Variants in TYK2 observed in about 807,000 individuals in gnomAD.
TYK2 encodes the protein tyrosine kinase 2.
In TYK2, 65 loss-of-function variants were observed where a neutral mutation model predicts 130.9. That is an observed-to-expected ratio of 0.50 (90% CI 0.41 to 0.61). The LOEUF (loss-of-function observed/expected upper bound fraction) is 0.61. Ranked by LOEUF, TYK2 falls within the 20% of genes least tolerant of loss-of-function variation. The pLI, the probability that TYK2 is intolerant of heterozygous loss-of-function variation, is 0.00. For missense variants in TYK2, 1,378 were observed against 1,610.7 expected (o/e 0.86, Z 2.47); for synonymous variants, 647 against 658.9 (o/e 0.98, Z 0.28).
At position 10,355,175 on chromosome 19, in the gene TYK2, C is replaced by T. The variant is rs749195299; in HGVS notation, c.2618-566G>A. ...GGCGTGGTGGCTCACACCTGTAATCCCAGCACTTTGGGAGGCCGAGGCAGG... is the reference window on the plus strand; with the variant it reads ...GGCGTGGTGGCTCACACCTGTAATCTCAGCACTTTGGGAGGCCGAGGCAGG... On this transcript the variant is annotated intron_variant, in intron 18 of 24. Coordinates refer to ENST00000525621, the MANE Select transcript of TYK2 (RefSeq NM_003331.5). Among the ~76,000 whole-genome samples the T allele has an allele frequency of 7.0e-4, 106 of 150,844 alleles. 1 individual carries two copies. The highest frequency in any genetic ancestry group is 9.9e-4 in the Admixed American group (15 of 15,140).
chr19:10,356,343 C>T (rs529728298), intron 18 of TYK2, among the ~76,000 whole-genome samples: 9 of 152,274 alleles, frequency 5.9e-5, no homozygotes, highest in African/African-American at 2.2e-4. Flanking sequence ...CACGTCACTG[C>T]GCTCCAGGCT....
Position 10,361,389 on chromosome 19 carries a change from G to A in TYK2, c.2047+122C>T. 1.1e-6 allele frequency: 1 copy of A among 951,938 alleles called. No individual in the cohort carries two copies. Among genetic ancestry groups the A allele is most frequent in the East Asian group, 2.6e-5 (1 of 37,976 alleles). The allele number at this position is 951,938 out of a possible 1,614,324, so 59.0% of individuals were successfully genotyped here. A position where few individuals can be genotyped will look rare whatever the true frequency, so the allele number is the denominator to read the frequency against. On this transcript the variant is annotated intron_variant, in intron 14 of 24. Coordinates refer to ENST00000525621, the MANE Select transcript of TYK2 (RefSeq NM_003331.5). This position sits in a 1 kb window ranked among gnomAD's most constrained non-coding sequence, Gnocchi z 4.0. ...GGTGTAGCCCGGGATCAGAGTACAG[G>A]TGAGAGTTGAGAAATAGGCATAGGT...
At position 10,364,654 on chromosome 19, in the gene TYK2, G is replaced by C; in HGVS notation, c.1327C>G (p.Leu443Val). The stretch of plus-strand genomic sequence containing the variant: ...ATCCCATCCCGGATGCTCATCACCA[G>C]CCGTGGGGGAGCCACCTCGTGGCAC... The part of the protein sequence containing the change: ...YLCHEVAPPR[L>V]VMSIRDGIHG... Residue 443 changes from leucine to valine, a missense_variant, in exon 9 of 25, where the codon CTG (leucine) becomes GTG (valine). Coordinates refer to ENST00000525621, the MANE Select transcript of TYK2 (RefSeq NM_003331.5). This position sits in a 1 kb window ranked among gnomAD's most constrained non-coding sequence, Gnocchi z 4.9. 2 of 1,613,910 alleles carry C rather than the reference G, an allele frequency of 1.2e-6. No homozygotes were observed. Among genetic ancestry groups the C allele is most frequent in the Non-Finnish European group, 1.7e-6 (2 of 1,180,000 alleles).
chr19:10,368,229 G>A, intron 4 of TYK2, 27 bp from the exon 5 acceptor site: 4 of 1,614,180 alleles, frequency 2.5e-6, no homozygotes, highest in African/African-American at 1.3e-5. Context: ...CGCAGCTGGG[G>A]CTTAGCACAG....
rs748953531 is a variant in TYK2 at position 10,361,428 on chromosome 19, G to A, written c.2047+83C>T. 3.4e-5 allele frequency: 40 copies of A among 1,165,224 alleles called. No individual in the cohort carries two copies. The highest frequency in any genetic ancestry group is 4.1e-5 in the Non-Finnish European group (36 of 869,308). 72.2% of individuals were successfully genotyped at this position (1,165,224 alleles called of 1,614,324 possible). Reference sequence around the variant, plus strand: ...ATAGGCATAGGTTGGGGTGTAGGTCGAGGGTTGGGGTACAGATCAGGGAGT... The same window carrying A: ...ATAGGCATAGGTTGGGGTGTAGGTCAAGGGTTGGGGTACAGATCAGGGAGT... On this transcript the variant is annotated intron_variant, in intron 14 of 24. Coordinates refer to ENST00000525621, the MANE Select transcript of TYK2 (RefSeq NM_003331.5). This position sits in a 1 kb window ranked among gnomAD's most constrained non-coding sequence, Gnocchi z 4.0.
chr19:10,358,003 C>A lies in TYK2; in HGVS notation c.2311G>T (p.Glu771Ter). 6.2e-7 allele frequency: 1 copy of A among 1,613,498 alleles called. No individual in the cohort carries two copies. The highest frequency in any genetic ancestry group is 8.5e-7 in the Non-Finnish European group (1 of 1,180,012). The stretch of plus-strand genomic sequence containing the variant: ...TGCCCAGGTCCCCTCAGGTACTCAC[C>A]CTCCCTGGAGAGGGCGCCCAGGCCC... ...GVGLGALSRE[E>*]RVERIPWLAP... is the part of the protein sequence containing the mutation. Residue 771 changes from glutamate (E) to a stop codon, truncating the protein, a stop_gained and splice_region_variant, in exon 16 of 25, where the codon GAG becomes TAG. Coordinates refer to ENST00000525621, the MANE Select transcript of TYK2 (RefSeq NM_003331.5). LOFTEE classifies it high-confidence loss of function.
chr19:10,368,565 A>G, intron 3 of TYK2, 147 bp from the exon 4 acceptor site: 1 of 1,168,306 alleles, frequency 8.6e-7, no homozygotes, highest in African/African-American at 1.5e-5. Flanking sequence ...CCCTGGGCAG[A>G]GGACAGTGCG....
At chr19:10,373,431 A>G (rs1222237037) in intron 3 of TYK2, among the ~76,000 whole-genome samples, 1 of 151,198 alleles carries the variant, frequency 6.6e-6, no homozygotes, top group Admixed American at 6.6e-5. Context: ...TCCGCCTCCC[A>G]GGTTTAAGTG....
chr19:10,368,478 A>G, intron 3 of TYK2, 60 bp from the exon 4 acceptor site: 5 of 1,609,008 alleles, frequency 3.1e-6, no homozygotes, highest in Non-Finnish European at 4.2e-6. Flanking sequence ...AGCCCCAAAG[A>G]CCCCCCAGAC....
rs2041408308 is a variant in TYK2 at position 10,361,636 on chromosome 19, A to AC, written c.1960-39dup. The AC allele has an allele frequency of 6.5e-7, 1 of 1,546,528 alleles. No homozygotes were observed. Among genetic ancestry groups the AC allele is most frequent in the Non-Finnish European group, 8.7e-7 (1 of 1,146,908 alleles). ...GGCAGGTCAGGTGGCTGCAAAGCCG[A>AC]CCCCTCCCATCCCACCTCCTCCACG... On this transcript the variant is annotated intron_variant, in intron 13 of 24. Coordinates refer to ENST00000525621, the MANE Select transcript of TYK2 (RefSeq NM_003331.5). The surrounding 1 kb of genome is among the most constrained non-coding windows in gnomAD (Gnocchi z 4.0).
At position 10,365,375 on chromosome 19, in the gene TYK2, TG is replaced by T. The variant is rs560870159; in HGVS notation, c.1011+141del. ...AGATGGAGGACCTTCTCCAAGAAACTGGCCCTAGCGGACAGGTGCCCCAGAG... is the reference window on the plus strand; with the variant it reads ...AGATGGAGGACCTTCTCCAAGAAACTGCCCTAGCGGACAGGTGCCCCAGAG... On this transcript the variant is annotated intron_variant, in intron 7 of 24. Transcript: ENST00000525621. The T allele has an allele frequency of 8.7e-4, 1,128 of 1,299,486 alleles. 8 individuals are homozygous for T. The South Asian group carries it at 0.011, about 13-fold the overall frequency. The allele number at this position is 1,299,486 out of a possible 1,614,324, so 80.5% of individuals were successfully genotyped here.
chr19:10,362,671 CA>C lies in TYK2; in HGVS notation c.1368-15del, dbSNP rs1397615636. 3 of 1,550,546 alleles carry C rather than the reference CA, an allele frequency of 1.9e-6. No homozygotes were observed. Among genetic ancestry groups the C allele is most frequent in the Middle Eastern group, 1.8e-4 (1 of 5,646 alleles). On this transcript the variant is annotated splice_polypyrimidine_tract_variant and intron_variant, in intron 9 of 24. Coordinates refer to ENST00000525621, the MANE Select transcript of TYK2 (RefSeq NM_003331.5). ...ACAAATGGCTCCCTGGAAGGTGGTC[CA>C]GGGGGACTATCAGGCCACCTGGGGC...
chr19:10,362,157 C>G lies in TYK2; in HGVS notation c.1694G>C (p.Arg565Pro), dbSNP rs764267766. The G allele has an allele frequency of 1.2e-6, 2 of 1,613,932 alleles. No homozygotes were observed. The highest frequency in any genetic ancestry group is 1.1e-5 in the South Asian group (1 of 91,072). The stretch of plus-strand genomic sequence containing the variant: ...TGTCCTGGGGCTGGCCCGAGCCCCC[C>G]GCATGATGATGAGATTGGAGGTTTC... ...PGETSNLIIM[R>P]GARASPRTLN... Residue 565 changes from arginine (R) to proline (P), a missense_variant, in exon 12 of 25, where the codon CGG (arginine) becomes CCG (proline). Physicochemically the swap from Arg to Pro is moderately radical, Grantham distance 103. Transcript: ENST00000525621.
At position 10,362,145 on chromosome 19, in the gene TYK2, G is replaced by C; in HGVS notation, c.1706C>G (p.Ala569Gly). The C allele has an allele frequency of 2.5e-6, 4 of 1,614,006 alleles. No individual in the cohort carries two copies. Among genetic ancestry groups the C allele is most frequent in the Non-Finnish European group, 3.4e-6 (4 of 1,180,022 alleles). The change falls in exon 12 of 25, where the codon GCC (alanine) becomes GGC (glycine). Residue 569 changes from alanine (A) to glycine (G), a missense_variant. By Grantham distance (60) the Ala-to-Gly change is moderately conservative. Coordinates refer to ENST00000525621, the MANE Select transcript of TYK2 (RefSeq NM_003331.5). ...GCTGAGGTTGAGTGTCCTGGGGCTG[G>C]CCCGAGCCCCCCGCATGATGATGAG... ...SNLIIMRGAR[A>G]SPRTLNLSQL... is the part of the protein sequence containing the mutation.
Position 10,353,983 on chromosome 19 carries a change from C to T in TYK2, c.2908+59G>A. On this transcript the variant is annotated intron_variant, in intron 20 of 24. Coordinates refer to ENST00000525621, the MANE Select transcript of TYK2 (RefSeq NM_003331.5). This position sits in a 1 kb window ranked among gnomAD's most constrained non-coding sequence, Gnocchi z 6.9. ...GCCAGACTGGCCCCGCCCACAAGGCCACACCCACGCTCTAACCACGCCCCC... is the reference window on the plus strand; with the variant it reads ...GCCAGACTGGCCCCGCCCACAAGGCTACACCCACGCTCTAACCACGCCCCC... The T allele has an allele frequency of 6.4e-7, 1 of 1,568,398 alleles. No individual in the cohort carries two copies. Among genetic ancestry groups the T allele is most frequent in the Non-Finnish European group, 8.8e-7 (1 of 1,142,260 alleles).
chr19:10,363,173 G>A (rs934265248), intron 9 of TYK2, among the ~76,000 whole-genome samples: 10 of 150,100 alleles, frequency 6.7e-5, no homozygotes, highest in Non-Finnish European at 1.5e-5. Context: ...ACTGTGCCCG[G>A]CTACCTGATC....
rs769794516 is a variant in TYK2, at chr19:10,361,831, C to T, written c.1898G>A (p.Arg633His). The change falls in exon 13 of 25, where the codon CGT (arginine) becomes CAT (histidine). Residue 633 changes from arginine (R) to histidine (H), a missense_variant. Transcript: ENST00000525621. This position sits in a 1 kb window ranked among gnomAD's most constrained non-coding sequence, Gnocchi z 4.0. ...DEDPLVPGRD[R>H]GQELRVVLKV... ...GAGCACCACTCGTAGCTCCTGCCCA[C>T]GGTCCCTGCCAGGCACGAGGGGGTC... is the stretch of plus-strand genomic sequence containing the variant. The T allele has an allele frequency of 1.4e-5, 22 of 1,613,892 alleles. No homozygotes were observed. Among genetic ancestry groups the T allele is most frequent in the Middle Eastern group, 3.3e-4 (2 of 6,084 alleles).
At chr19:10,357,132 T>C (rs1599334566) in intron 17 of TYK2, 1 of 383,452 alleles carries the variant, frequency 2.6e-6, no homozygotes, top group South Asian at 2.4e-5. Flanking sequence ...CTCATGCCTG[T>C]AATCCCAGCA....
chr19:10,351,767 C>T (rs993196406), intron 23 of TYK2, among the ~76,000 whole-genome samples: 4 of 152,094 alleles, frequency 2.6e-5, no homozygotes, highest in Admixed American at 6.6e-5. Context: ...GAGACAGTCT[C>T]TCGCTCTTTC....
Sources: gnomAD v4.1 joint callset for allele counts (sites outside exome capture counted in the v4.1 genomes callset) on GRCh38, gnomAD v4.1.1 for gene constraint, Gnocchi (gnomAD v3.1) non-coding constraint, MANE v1.5 for transcripts, NCBI Gene and HGNC (gene_info 2026-07-23, HGNC 2026-07-21) for gene names.